Variants in PIK3C2G observed in about 807,000 individuals in gnomAD.
PIK3C2G encodes phosphatidylinositol-4-phosphate 3-kinase catalytic subunit type 2 gamma.
PIK3C2G carries 168 observed loss-of-function variants against 181.1 expected under a neutral mutation model. The observed-to-expected ratio is 0.93, with a 90% CI of 0.82 to 1.05. PIK3C2G has a LOEUF of 1.05. Ranked by LOEUF, PIK3C2G falls within the 50% of genes least tolerant of loss-of-function variation. The pLI is 0.00. For synonymous variants in PIK3C2G, 573 were observed against 592.2 expected, an observed-to-expected ratio of 0.97 and a Z score of 0.47; for missense variants, 1,869 against 1,732.8, an observed-to-expected ratio of 1.08 and a Z score of -1.40.
the PIK3C2G span, among the ~76,000 whole-genome samples, chr12:18,681,703 T>C: frequency 3.9e-5 from 6 of 152,066 alleles, no homozygotes; most frequent in South Asian, 2.1e-4. Flanking sequence ...ATTCCTAATA[T>C]AGAGTGGAAT....
At chr12:18,405,397 G>GTGTTGT (rs58282294) in intron 16 of PIK3C2G, among the ~76,000 whole-genome samples, 7,384 of 139,790 alleles carry the variant, frequency 0.053, 246 homozygotes, top group South Asian at 0.11. Context: ...AGCAACATTT[G>GTGTTGT]TGTTGTTGTT....
chr12:18,513,587 T>C (rs910540487), intron 24 of PIK3C2G, among the ~76,000 whole-genome samples: 1 of 151,834 alleles, frequency 6.6e-6, no homozygotes, highest in African/African-American at 2.4e-5. Context: ...GGCATATAAT[T>C]GCTCATCCCA....
intron 7 of PIK3C2G, among the ~76,000 whole-genome samples, chr12:18,321,611 G>A (rs1951110658): frequency 6.6e-6 from 1 of 152,154 alleles, no homozygotes. Context: ...AGTAGAAAAT[G>A]TAGTGTGGGA....
At chr12:18,509,368 A>G (rs1942065279) in intron 24 of PIK3C2G, among the ~76,000 whole-genome samples, 1 of 152,244 alleles carries the variant, frequency 6.6e-6, no homozygotes, top group Non-Finnish European at 1.5e-5. Flanking sequence ...GTTAACATAT[A>G]TTAACTAATT....
intron 1 of PIK3C2G, among the ~76,000 whole-genome samples, chr12:18,271,379 C>A (rs991669120): frequency 6.6e-6 from 1 of 152,112 alleles, no homozygotes; most frequent in Non-Finnish European, 1.5e-5. Context: ...TAAATAAGGT[C>A]ATTTATTCCT....
At chr12:18,635,707 C>A (rs1949568194) in intron 31 of PIK3C2G, among the ~76,000 whole-genome samples, 1 of 152,166 alleles carries the variant, frequency 6.6e-6, no homozygotes. Flanking sequence ...GATCATGTAA[C>A]CCATGTGGCA....
chr12:18,330,825 C>T (rs1179305513), intron 8 of PIK3C2G, among the ~76,000 whole-genome samples: 1 of 152,110 alleles, frequency 6.6e-6, no homozygotes, highest in Non-Finnish European at 1.5e-5. Flanking sequence ...CTTTGTCTCC[C>T]TGTCTGTGAC....
At chr12:18,521,520 C>T (rs1942913733) in intron 24 of PIK3C2G, among the ~76,000 whole-genome samples, 2 of 152,318 alleles carry the variant, frequency 1.3e-5, no homozygotes, top group South Asian at 2.1e-4. Flanking sequence ...CATGAAGAGG[C>T]ACTCTGGCCA....
At position 18,505,407 on chromosome 12, in the gene PIK3C2G, A is replaced by C. The variant is rs1379228484; in HGVS notation, c.3269A>C (p.His1090Pro). Residue 1090 changes from histidine (H) to proline (P), a missense_variant, in exon 24 of 33, where the codon CAT becomes CCT. His to Pro is a moderately conservative substitution (Grantham distance 77). Coordinates refer to ENST00000538779, the MANE Select transcript of PIK3C2G (RefSeq NM_001288772.2). ...IMLTKSGHMFHIDFGKFLGHA... is the reference protein window; with the variant it reads ...IMLTKSGHMFPIDFGKFLGHA... ...CTGACAAAGTCGGGCCACATGTTTC[A>C]TATTGACTTTGGAAAATTCTTAGGT... 6.2e-7 allele frequency: 1 copy of C among 1,613,594 alleles called. No individual in the cohort carries two copies. The highest frequency in any genetic ancestry group is 1.1e-5 in the South Asian group (1 of 90,950).
In PIK3C2G at chr12:18,585,161, A is replaced by G. The variant is rs146399491; in HGVS notation, c.4012-9333A>G. 1.1e-4 allele frequency among the ~76,000 whole-genome samples: 16 copies of G among 152,300 alleles called. No homozygotes were observed. In the East Asian group the frequency reaches 2.9e-3, roughly 28 times the overall value. ...AAGCTGGCATGATAACCAGCTAACA[A>G]TACAATTACAGGATCAAATCCACAT... On this transcript the variant is annotated intron_variant, in intron 29 of 32. Transcript: ENST00000538779.
At chr12:18,466,340 ACT>A (rs1436065785) in intron 18 of PIK3C2G, among the ~76,000 whole-genome samples, 1 of 151,594 alleles carries the variant, frequency 6.6e-6, no homozygotes, top group Non-Finnish European at 1.5e-5. Context: ...GTTGCTACTG[ACT>A]CTGATTTATA....
chr12:18,688,254 G>A, the PIK3C2G span: 5 of 1,573,234 alleles, frequency 3.2e-6, no homozygotes, highest in South Asian at 5.8e-5. Flanking sequence ...AATTTAGCAA[G>A]ATATTAAGTT....
At chr12:18,361,711 C>T (rs552215754) in intron 11 of PIK3C2G, among the ~76,000 whole-genome samples, 233 of 152,228 alleles carry the variant, frequency 1.5e-3, no homozygotes, top group Non-Finnish European at 2.5e-3. Flanking sequence ...GTCTGTGGTA[C>T]TGCAGGTTCT....
chr12:18,683,733 G>A, the PIK3C2G span: 3 of 822,926 alleles, frequency 3.6e-6, no homozygotes, highest in Non-Finnish European at 5.4e-6. Context: ...GCCCTGAAAA[G>A]GGGTCAGGAA....
intron 13 of PIK3C2G, among the ~76,000 whole-genome samples, chr12:18,379,661 C>G (rs894017682): frequency 6.6e-6 from 1 of 152,136 alleles, no homozygotes; most frequent in Non-Finnish European, 1.5e-5. Flanking sequence ...ATGAAAGCCC[C>G]TTTTTAAGCT....
chr12:18,379,627 G>T (rs938299856), intron 13 of PIK3C2G, among the ~76,000 whole-genome samples: 1 of 152,204 alleles, frequency 6.6e-6, no homozygotes, highest in Non-Finnish European at 1.5e-5. Flanking sequence ...CAGATCCTTT[G>T]CCCTGGTGAC....
rs754347646 is a variant in PIK3C2G, at chr12:18,563,362, A to G, written c.3781-15A>G. The G allele has an allele frequency of 3.1e-6, 5 of 1,598,826 alleles. No individual in the cohort carries two copies. Among genetic ancestry groups the G allele is most frequent in the Non-Finnish European group, 4.3e-6 (5 of 1,171,716 alleles). ...TATTGCCATCTTTTGATTTCTATCT[A>G]TTTACTTTCTGCAGCTGTATCTGAT... is the stretch of plus-strand genomic sequence containing the variant. On this transcript the variant is annotated splice_polypyrimidine_tract_variant and intron_variant, in intron 27 of 32. Transcript: ENST00000538779.
chr12:18,490,996 C>T (rs1426985147), intron 19 of PIK3C2G, among the ~76,000 whole-genome samples: 1 of 152,078 alleles, frequency 6.6e-6, no homozygotes, highest in African/African-American at 2.4e-5. Flanking sequence ...ATTGTTGTTA[C>T]TACTGTACGT....
At chr12:18,486,474 C>T (rs1449725342) in intron 18 of PIK3C2G, among the ~76,000 whole-genome samples, 1 of 151,926 alleles carries the variant, frequency 6.6e-6, no homozygotes, top group African/African-American at 2.4e-5. Flanking sequence ...GAGTATTATA[C>T]GTACAAATTA....
Sources: allele counts gnomAD v4.1 joint callset (sites outside exome capture counted in the v4.1 genomes callset), GRCh38; gene constraint gnomAD v4.1.1; transcripts MANE v1.5; gene names NCBI Gene and HGNC (gene_info 2026-07-23, HGNC 2026-07-21).